Variants in RSU1 observed in about 807,000 individuals in gnomAD.
RSU1 encodes Ras suppressor protein 1.
Under a neutral mutation model 31.1 loss-of-function variants are expected in RSU1, and 26 were observed. The observed-to-expected ratio is 0.84, with a 90% CI of 0.61 to 1.16. The LOEUF (loss-of-function observed/expected upper bound fraction) is 1.16. Ranked by LOEUF, RSU1 falls within the 50% of genes most tolerant of loss-of-function variation. RSU1 has a pLI of 0.00. For synonymous variants in RSU1, 164 were observed against 136.3 expected (o/e 1.20, Z -1.41); for missense variants, 320 against 339.1 (o/e 0.94, Z 0.44).
At chr10:16,737,868 C>A (rs868657613) in intron 7 of RSU1, among the ~76,000 whole-genome samples, 1 of 151,884 alleles carries the variant, frequency 6.6e-6, no homozygotes, top group East Asian at 1.9e-4. Flanking sequence ...GTAAAATTCA[C>A]CAACTAGAGA....
At chr10:16,605,704 G>C (rs891036086) in intron 8 of RSU1, among the ~76,000 whole-genome samples, 3 of 152,206 alleles carry the variant, frequency 2.0e-5, no homozygotes, top group Non-Finnish European at 2.9e-5. Context: ...GCAGACCGAG[G>C]CAAGTGTTCC....
chr10:16,764,085 T>C (rs148149921), intron 4 of RSU1, among the ~76,000 whole-genome samples: 1,718 of 152,304 alleles, frequency 0.011, 9 homozygotes, highest in Non-Finnish European at 0.017. Flanking sequence ...GTTCATGCTA[T>C]GCAAATAAGT....
chr10:16,599,114 C>T, intron 8 of RSU1, among the ~76,000 whole-genome samples: 1 of 152,146 alleles, frequency 6.6e-6, no homozygotes, highest in Non-Finnish European at 1.5e-5. Context: ...TTTGCATGTA[C>T]CTGGATTGAA....
intron 7 of RSU1, among the ~76,000 whole-genome samples, chr10:16,715,615 T>A (rs1397166321): frequency 6.6e-6 from 1 of 152,330 alleles, no homozygotes; most frequent in East Asian, 1.9e-4. Flanking sequence ...CACTTGACCA[T>A]TTAGGCAAGG....
At chr10:16,678,034 C>T (rs1001055809) in intron 8 of RSU1, among the ~76,000 whole-genome samples, 2 of 152,204 alleles carry the variant, frequency 1.3e-5, no homozygotes, top group African/African-American at 2.4e-5. Flanking sequence ...GAATCCGAAG[C>T]GCATTTCCAT....
At chr10:16,734,152 G>A (rs1477976322) in intron 7 of RSU1, among the ~76,000 whole-genome samples, 5 of 152,194 alleles carry the variant, frequency 3.3e-5, no homozygotes. Context: ...ATCATGATTT[G>A]TCTCACATTG....
chr10:16,609,505 C>T (rs904340763), intron 8 of RSU1, among the ~76,000 whole-genome samples: 5 of 152,188 alleles, frequency 3.3e-5, no homozygotes, highest in African/African-American at 2.4e-5. Flanking sequence ...CTGGTGAAAG[C>T]GAGGTGGAAG....
intron 7 of RSU1, among the ~76,000 whole-genome samples, chr10:16,703,925 T>A (rs900322612): frequency 2.6e-5 from 4 of 152,198 alleles, no homozygotes; most frequent in Non-Finnish European, 4.4e-5. Context: ...TGAGTGTGCA[T>A]CAGAATATTT....
intron 7 of RSU1, among the ~76,000 whole-genome samples, chr10:16,706,890 G>A (rs7916989): frequency 8.6e-5 from 13 of 151,718 alleles, no homozygotes; most frequent in Admixed American, 7.9e-4. Context: ...ATCTCTTCCC[G>A]CCCCTCCCAG....
At chr10:16,623,910 A>G (rs1180628749) in intron 8 of RSU1, among the ~76,000 whole-genome samples, 2 of 152,278 alleles carry the variant, frequency 1.3e-5, no homozygotes, top group Admixed American at 6.5e-5. Flanking sequence ...ACATTAAAAC[A>G]TAGGTTTTAA....
chr10:16,698,529 C>T (rs941527234), intron 7 of RSU1, among the ~76,000 whole-genome samples: 5 of 152,104 alleles, frequency 3.3e-5, no homozygotes, highest in African/African-American at 1.2e-4. Context: ...CCCTGACTGC[C>T]ACTCATGGAA....
intron 2 of RSU1, among the ~76,000 whole-genome samples, chr10:16,788,936 C>G (rs1217652378): frequency 6.6e-6 from 1 of 152,206 alleles, no homozygotes; most frequent in African/African-American, 2.4e-5. Context: ...TTAGCAGTGT[C>G]TCACACCTGC....
chr10:16,782,330 A>G (rs1195561220), intron 2 of RSU1, among the ~76,000 whole-genome samples: 1 of 152,210 alleles, frequency 6.6e-6, no homozygotes, highest in African/African-American at 2.4e-5. Context: ...ATGTCACAGA[A>G]TCCAACATGA....
intron 8 of RSU1, among the ~76,000 whole-genome samples, chr10:16,627,780 A>G (rs939464905): frequency 3.1e-4 from 47 of 151,920 alleles, no homozygotes; most frequent in East Asian, 1.9e-3. Context: ...AAAAAAAAAA[A>G]AAGAAGTAAC....
chr10:16,685,214 C>A (rs1312824781), intron 8 of RSU1, among the ~76,000 whole-genome samples: 1 of 152,206 alleles, frequency 6.6e-6, no homozygotes, highest in African/African-American at 2.4e-5. Context: ...CGCACCACCG[C>A]ACTCCAGCCT....
chr10:16,602,998 C>A (rs552595652), intron 8 of RSU1, among the ~76,000 whole-genome samples: 1 of 152,270 alleles, frequency 6.6e-6, no homozygotes, highest in South Asian at 2.1e-4. Flanking sequence ...TTAACAGTTA[C>A]CCTAATTCCT....
intron 7 of RSU1, among the ~76,000 whole-genome samples, chr10:16,742,972 A>G (rs948605105): frequency 2.6e-5 from 4 of 152,228 alleles, no homozygotes; most frequent in African/African-American, 9.6e-5. Flanking sequence ...TTGTTAAAAA[A>G]TATCATGTAG....
At chr10:16,782,118 G>A (rs376150797) in intron 2 of RSU1, 34 bp from the exon 3 acceptor site, 3 of 1,546,560 alleles carry the variant, frequency 1.9e-6, no homozygotes, top group Non-Finnish European at 2.7e-6. Context: ...AGGTCAGTCA[G>A]TAAATGTATC....
At chr10:16,715,431 T>C (rs143867037) in intron 7 of RSU1, among the ~76,000 whole-genome samples, 193 of 152,368 alleles carry the variant, frequency 1.3e-3, no homozygotes, top group Non-Finnish European at 2.1e-3. Context: ...ATTTTTATAG[T>C]TGTAGTTCTT....
Sources: allele counts gnomAD v4.1 joint callset (sites outside exome capture counted in the v4.1 genomes callset), GRCh38; gene constraint gnomAD v4.1.1; transcripts MANE v1.5; gene names NCBI Gene and HGNC (gene_info 2026-07-23, HGNC 2026-07-21).